Variants in EPB41L4B observed in about 807,000 individuals in gnomAD.
EPB41L4B encodes band 4.1-like protein 4B.
In EPB41L4B, 30 loss-of-function variants were observed where a neutral mutation model predicts 112.5. The observed-to-expected ratio is 0.27, with a 90% CI of 0.20 to 0.36. EPB41L4B has a LOEUF of 0.36. Among genes scored for constraint, EPB41L4B ranks in the 10% least tolerant of loss-of-function variants. The probability of loss-of-function intolerance (pLI) is 1.00; values close to 1 mark genes in which losing one functional copy is unlikely to be tolerated. For synonymous variants in EPB41L4B, 408 were observed against 439.7 expected (o/e 0.93, Z 0.90); for missense variants, 1,024 against 1,133.3 (o/e 0.90, Z 1.38).
chr9:109,311,763 G>A (rs183894676), intron 1 of EPB41L4B, among the ~76,000 whole-genome samples: 18 of 152,328 alleles, frequency 1.2e-4, no homozygotes, highest in African/African-American at 4.1e-4. Flanking sequence ...GGTGTGCACA[G>A]CATGGGCTGA....
chr9:109,291,217 C>CG (rs1281357646), intron 1 of EPB41L4B, among the ~76,000 whole-genome samples: 1 of 152,230 alleles, frequency 6.6e-6, no homozygotes, highest in Non-Finnish European at 1.5e-5. Flanking sequence ...TTCTTTCTAT[C>CG]TCATCCCACT....
intron 2 of EPB41L4B, among the ~76,000 whole-genome samples, chr9:109,275,481 C>T (rs573352753): frequency 1.3e-5 from 2 of 152,284 alleles, no homozygotes; most frequent in South Asian, 4.1e-4. Context: ...TCCCAAAAGC[C>T]TCTTGATTAA....
intron 2 of EPB41L4B, among the ~76,000 whole-genome samples, chr9:109,278,179 C>T (rs1341893023): frequency 3.3e-5 from 5 of 152,092 alleles, no homozygotes; most frequent in African/African-American, 9.7e-5. Context: ...CTGCCCTTCT[C>T]CCGGGTCCGG....
At chr9:109,264,039 TAG>T (rs370405426) in intron 5 of EPB41L4B, among the ~76,000 whole-genome samples, 202 of 144,098 alleles carry the variant, frequency 1.4e-3, no homozygotes, top group Admixed American at 1.5e-3. Flanking sequence ...GAGAGAGAGG[TAG>T]AGAGAGAGAG....
intron 15 of EPB41L4B, chr9:109,240,906 G>GA: frequency 1.0e-6 from 1 of 985,320 alleles, no homozygotes; most frequent in South Asian, 4.7e-5. Context: ...CAGCAAATTC[G>GA]ATCAAAACAA....
chr9:109,291,936 G>T (rs1390653057), intron 1 of EPB41L4B, among the ~76,000 whole-genome samples: 2 of 152,192 alleles, frequency 1.3e-5, no homozygotes, highest in Non-Finnish European at 2.9e-5. Flanking sequence ...CTATTGATCA[G>T]CCTCTGTTCC....
At chr9:109,194,783 G>C (rs557815939) in intron 20 of EPB41L4B, among the ~76,000 whole-genome samples, 2 of 152,004 alleles carry the variant, frequency 1.3e-5, no homozygotes, top group Non-Finnish European at 2.9e-5. Flanking sequence ...GATATTGAAC[G>C]ATAACTCCCC....
intron 1 of EPB41L4B, among the ~76,000 whole-genome samples, chr9:109,292,649 C>T (rs186139250): frequency 3.3e-5 from 5 of 152,302 alleles, no homozygotes; most frequent in Admixed American, 2.0e-4. Context: ...TAGCCAAATA[C>T]CTAAGGTGTC....
At chr9:109,201,685 C>G (rs564718734) in intron 19 of EPB41L4B, among the ~76,000 whole-genome samples, 1 of 151,866 alleles carries the variant, frequency 6.6e-6, no homozygotes, top group East Asian at 1.9e-4. Context: ...CCAGATGGAG[C>G]GAAGACCACA....
chr9:109,266,968 CAAAAAAAAAAAAAAA>C (rs3061574), intron 4 of EPB41L4B, among the ~76,000 whole-genome samples: 5,000 of 91,976 alleles, frequency 0.054, 205 homozygotes, highest in South Asian at 0.16. Flanking sequence ...GATTTTGTTT[CAAAAAAAAAAAAAAA>C]AAAAAAAAAA....
intron 1 of EPB41L4B, among the ~76,000 whole-genome samples, chr9:109,281,003 T>A (rs1836012566): frequency 6.6e-6 from 1 of 151,898 alleles, no homozygotes; most frequent in Non-Finnish European, 1.5e-5. Context: ...ACTATAAAAC[T>A]CTCAGAATAA....
chr9:109,183,758 C>T (rs1266822034), intron 23 of EPB41L4B, among the ~76,000 whole-genome samples: 1 of 152,236 alleles, frequency 6.6e-6, no homozygotes, highest in Non-Finnish European at 1.5e-5. Flanking sequence ...AAGGCCACCA[C>T]TGCCCAGGGG....
At chr9:109,226,795 A>ATAT (rs1833796592) in intron 15 of EPB41L4B, among the ~76,000 whole-genome samples, 1 of 147,206 alleles carries the variant, frequency 6.8e-6, no homozygotes, top group Non-Finnish European at 1.5e-5. Context: ...ATATATATGA[A>ATAT]GAATATATAT....
chr9:109,180,521 T>C (rs1018857060), intron 24 of EPB41L4B, among the ~76,000 whole-genome samples: 1 of 152,184 alleles, frequency 6.6e-6, no homozygotes, highest in African/African-American at 2.4e-5. Flanking sequence ...AAAAGGCAGA[T>C]GCTGGAAGCA....
At chr9:109,261,808 A>T (rs559858177) in intron 6 of EPB41L4B, among the ~76,000 whole-genome samples, 2 of 151,902 alleles carry the variant, frequency 1.3e-5, no homozygotes, top group Non-Finnish European at 2.9e-5. Context: ...CTAATTTTAT[A>T]ATTTGAAAAA....
At chr9:109,207,863 C>G in intron 18 of EPB41L4B, 61 bp downstream of exon 18, 1 of 1,604,234 alleles carries the variant, frequency 6.2e-7, no homozygotes, top group Non-Finnish European at 8.5e-7. Flanking sequence ...CCTCTTTCTT[C>G]TCTGTGGCAT....
intron 13 of EPB41L4B, among the ~76,000 whole-genome samples, chr9:109,249,585 T>C (rs1209968534): frequency 6.6e-6 from 1 of 151,744 alleles, no homozygotes; most frequent in African/African-American, 2.4e-5. Flanking sequence ...GTAATTTTAT[T>C]AGGGAGAAAC....
intron 24 of EPB41L4B, among the ~76,000 whole-genome samples, chr9:109,178,071 C>T (rs1831911057): frequency 6.6e-6 from 1 of 151,822 alleles, no homozygotes; most frequent in African/African-American, 2.4e-5. Flanking sequence ...AGGTGCGTGC[C>T]ATGCCTGGAT....
chr9:109,316,102 A>G (rs1328114936), intron 1 of EPB41L4B, among the ~76,000 whole-genome samples: 1 of 152,234 alleles, frequency 6.6e-6, no homozygotes, highest in Non-Finnish European at 1.5e-5. Flanking sequence ...TTGAAAGATC[A>G]GGAAGTCAAT....
Sources: gnomAD v4.1 joint callset for allele counts (sites outside exome capture counted in the v4.1 genomes callset) on GRCh38, gnomAD v4.1.1 for gene constraint, MANE v1.5 for transcripts, NCBI Gene and HGNC (gene_info 2026-07-23, HGNC 2026-07-21) for gene names.